Variants in TRAF3IP2 observed in about 807,000 individuals in gnomAD.
TRAF3IP2 encodes E3 ubiquitin ligase TRAF3IP2.
A neutral mutation model predicts 57.9 loss-of-function variants in TRAF3IP2; 35 were observed. That is an observed-to-expected ratio of 0.60 (90% CI 0.46 to 0.80). The LOEUF is 0.80. Ranked by LOEUF, TRAF3IP2 falls within the 30% of genes least tolerant of loss-of-function variation. TRAF3IP2 has a pLI of 0.00. For missense variants in TRAF3IP2, 556 were observed against 706.4 expected, an observed-to-expected ratio of 0.79 and a Z score of 2.41; for synonymous variants, 251 against 268.9, an observed-to-expected ratio of 0.93 and a Z score of 0.65.
chr6:111,558,455 C>G lies in TRAF3IP2; in HGVS notation c.*950G>C, dbSNP rs563859975. Reference sequence around the variant, plus strand: ...TTATTTGTTTGTTTGTTTTTTGAGACGGAGTCTCGCTCTGTCTCCCAAGCT... The same window carrying G: ...TTATTTGTTTGTTTGTTTTTTGAGAGGGAGTCTCGCTCTGTCTCCCAAGCT... On this transcript the variant is annotated 3_prime_UTR_variant, in exon 9 of 9. Transcript: ENST00000368761. The G allele has an allele frequency of 2.6e-5, 4 of 152,292 alleles. No homozygotes were observed. Among genetic ancestry groups the G allele is most frequent in the South Asian group, 2.1e-4 (1 of 4,826 alleles). 9.4% of individuals were successfully genotyped at this position (152,292 alleles called of 1,614,324 possible). A position where few individuals can be genotyped will look rare whatever the true frequency, so the allele number is the denominator to read the frequency against.
intron 1 of TRAF3IP2, among the ~76,000 whole-genome samples, chr6:111,596,314 C>T (rs1018636387): frequency 6.6e-6 from 1 of 151,968 alleles, no homozygotes; most frequent in Non-Finnish European, 1.5e-5. Flanking sequence ...CTTTGTGATA[C>T]GGGGGTCTTG....
intron 2 of TRAF3IP2, among the ~76,000 whole-genome samples, chr6:111,590,176 C>T (rs187698600): frequency 6.6e-6 from 1 of 152,280 alleles, no homozygotes; most frequent in East Asian, 1.9e-4. Context: ...ATTATTATTT[C>T]GGAAGTAGTT....
At chr6:111,569,396 T>C (rs1372069533) in intron 5 of TRAF3IP2, among the ~76,000 whole-genome samples, 1 of 152,058 alleles carries the variant, frequency 6.6e-6, no homozygotes, top group Non-Finnish European at 1.5e-5. Flanking sequence ...TTGTGAGAAC[T>C]AAAATGAGTT....
In TRAF3IP2 at chr6:111,601,010, A is replaced by G. The variant is rs182456161; in HGVS notation, c.-9+4766T>C. 260 of 512,674 alleles carry G rather than the reference A, an allele frequency of 5.1e-4. 1 individual carries two copies. In the East Asian group the frequency reaches 6.9e-3, roughly 14 times the overall value. The allele number at this position is 512,674 out of a possible 1,614,324, so 31.8% of individuals were successfully genotyped here. On this transcript the variant is annotated intron_variant, in intron 1 of 8. Transcript: ENST00000368761. ...AGGTAAGTAACTTTTCCGAGGTCAC[A>G]TGGCTATTAAGTAGCAGAGCTGTGA...
chr6:111,563,432 C>G (rs547823118), intron 7 of TRAF3IP2, among the ~76,000 whole-genome samples: 1 of 152,286 alleles, frequency 6.6e-6, no homozygotes, highest in African/African-American at 2.4e-5. Flanking sequence ...GTAAGTGCTA[C>G]AAATCAGGAG....
intron 8 of TRAF3IP2, among the ~76,000 whole-genome samples, chr6:111,560,267 C>T (rs1795388591): frequency 1.3e-5 from 2 of 152,146 alleles, no homozygotes; most frequent in African/African-American, 4.8e-5. Flanking sequence ...GAAGCAAGCT[C>T]TGTGGTTGTC....
intron 4 of TRAF3IP2, chr6:111,573,706 T>G (rs1795898563): frequency 6.6e-6 from 1 of 152,210 alleles, no homozygotes; most frequent in African/African-American, 2.4e-5. Context: ...CTTTACCCAG[T>G]CAGGATGAAC....
chr6:111,579,300 G>C (rs1583229281), intron 3 of TRAF3IP2, among the ~76,000 whole-genome samples: 1 of 111,792 alleles, frequency 8.9e-6, no homozygotes, highest in African/African-American at 3.7e-5. Context: ...CTGGACGACA[G>C]AGCAAGGCTC....
Position 111,567,220 on chromosome 6 carries a change from G to T in TRAF3IP2, c.1359+404C>A, listed in dbSNP as rs1030328418. 1.7e-5 allele frequency: 17 copies of T among 1,006,256 alleles called. No individual in the cohort carries two copies. The African/African-American group carries it at 2.3e-4, about 13-fold the overall frequency. 62.3% of individuals were successfully genotyped at this position (1,006,256 alleles called of 1,614,324 possible). On this transcript the variant is annotated intron_variant, in intron 6 of 8. Transcript: ENST00000368761. ...CACGGGGCTGCACGTGGGCACCTCG[G>T]GGGTGGTGTGCTGTGCAGCCTGCGA...
chr6:111,577,434 GCT>G (rs926764659), intron 3 of TRAF3IP2, among the ~76,000 whole-genome samples: 2 of 152,128 alleles, frequency 1.3e-5, no homozygotes, highest in African/African-American at 4.8e-5. Context: ...GCAGGGTCTT[GCT>G]CTGTCACCCA....
At chr6:111,563,894 A>C (rs1795535832) in intron 7 of TRAF3IP2, among the ~76,000 whole-genome samples, 1 of 152,166 alleles carries the variant, frequency 6.6e-6, no homozygotes, top group Non-Finnish European at 1.5e-5. Flanking sequence ...GCTACCAAGA[A>C]CTCTCTCAAA....
intron 1 of TRAF3IP2, among the ~76,000 whole-genome samples, chr6:111,595,558 C>T (rs915641096): frequency 2.6e-5 from 4 of 152,074 alleles, no homozygotes; most frequent in Non-Finnish European, 5.9e-5. Flanking sequence ...TGCCGGGCGC[C>T]GTGACTCACG....
intron 1 of TRAF3IP2, chr6:111,594,571 C>T (rs1273978356): frequency 6.9e-6 from 3 of 434,198 alleles, no homozygotes; most frequent in East Asian, 1.4e-4. Context: ...GCAGTCATCT[C>T]ACATAAACTG....
chr6:111,572,770 A>G (rs1468167439), intron 5 of TRAF3IP2, 125 bp downstream of exon 5: 1 of 766,822 alleles, frequency 1.3e-6, no homozygotes, highest in Admixed American at 2.3e-5. Context: ...CATTCAATGC[A>G]TAATCACATA....
At chr6:111,579,316 C>CAAAA (rs529040872) in intron 3 of TRAF3IP2, among the ~76,000 whole-genome samples, 25 of 69,802 alleles carry the variant, frequency 3.6e-4, no homozygotes, top group Admixed American at 1.2e-3. Context: ...GGCTCCATCT[C>CAAAA]AAAAAAAAAA....
At chr6:111,586,849 G>A (rs1190706375) in intron 2 of TRAF3IP2, 1 of 152,194 alleles carries the variant, frequency 6.6e-6, no homozygotes, top group Non-Finnish European at 1.5e-5. Flanking sequence ...GGATCTGGAA[G>A]TAGAGGAGCA....
At chr6:111,601,988 T>C (rs978694687) in intron 1 of TRAF3IP2, 3 of 152,222 alleles carry the variant, frequency 2.0e-5, no homozygotes, top group Non-Finnish European at 4.4e-5. Flanking sequence ...CAAACTCCAA[T>C]GAACAAATAC....
intron 7 of TRAF3IP2, among the ~76,000 whole-genome samples, chr6:111,564,654 A>G (rs926220409): frequency 6.6e-6 from 1 of 151,974 alleles, no homozygotes; most frequent in Non-Finnish European, 1.5e-5. Flanking sequence ...TCTGTGTCTG[A>G]CCTCTTCGAC....
At position 111,566,424 on chromosome 6, in the gene TRAF3IP2, G is replaced by A. The variant is rs1209885708; in HGVS notation, c.1476+20C>T. On this transcript the variant is annotated intron_variant, in intron 7 of 8. Transcript: ENST00000368761. ...CATCCCCAGGGGACAGTGAGGTGTT[G>A]TGATCCCCTCCCCACTCACCATTCG... 3.8e-6 allele frequency: 6 copies of A among 1,584,236 alleles called. No individual in the cohort carries two copies. Among genetic ancestry groups the A allele is most frequent in the African/African-American group, 1.3e-5 (1 of 74,410 alleles).
Sources: gnomAD v4.1 joint callset for allele counts (sites outside exome capture counted in the v4.1 genomes callset) on GRCh38, gnomAD v4.1.1 for gene constraint, MANE v1.5 for transcripts, NCBI Gene and HGNC (gene_info 2026-07-23, HGNC 2026-07-21) for gene names.